Variants in PCSK5 observed in about 807,000 individuals in gnomAD.
PCSK5 encodes the protein proprotein convertase subtilisin/kexin type 5, also known as prohormone convertase 5.
In PCSK5, 129 loss-of-function variants were observed where a neutral mutation model predicts 233.2. The observed-to-expected ratio is 0.55, with a 90% CI of 0.48 to 0.64. The LOEUF is 0.64. PCSK5 is among the 30% of genes least tolerant of loss of function. The pLI, the probability that PCSK5 is intolerant of heterozygous loss-of-function variation, is 0.00. For synonymous variants in PCSK5, 825 were observed against 879.2 expected, an observed-to-expected ratio of 0.94 and a Z score of 1.09; for missense variants, 2,076 against 2,430.1, an observed-to-expected ratio of 0.85 and a Z score of 3.06.
At chr9:76,158,741 T>G (rs1204033493) in intron 11 of PCSK5, among the ~76,000 whole-genome samples, 1 of 152,192 alleles carries the variant, frequency 6.6e-6, no homozygotes, top group Non-Finnish European at 1.5e-5. Context: ...GCATACTCAG[T>G]TTGAGATCTA....
intron 9 of PCSK5, among the ~76,000 whole-genome samples, chr9:76,133,474 TAAC>T (rs1472581522): frequency 1.3e-5 from 2 of 152,056 alleles, no homozygotes; most frequent in African/African-American, 4.8e-5. Context: ...AGGTGTCTAA[TAAC>T]ACACTATAAT....
chr9:76,270,206 C>T (rs1330175159), intron 24 of PCSK5, among the ~76,000 whole-genome samples: 1 of 152,056 alleles, frequency 6.6e-6, no homozygotes, highest in African/African-American at 2.4e-5. Context: ...TTTTGTTTTT[C>T]AGCAGTTTTG....
At chr9:75,897,971 G>T (rs1313106905) in intron 1 of PCSK5, among the ~76,000 whole-genome samples, 1 of 152,168 alleles carries the variant, frequency 6.6e-6, no homozygotes, top group African/African-American at 2.4e-5. Flanking sequence ...CAAACAAGCA[G>T]ATAAGCGTAC....
chr9:76,302,905 T>C (rs899731161), intron 28 of PCSK5, among the ~76,000 whole-genome samples: 6 of 151,760 alleles, frequency 4.0e-5, no homozygotes, highest in Non-Finnish European at 7.4e-5. Context: ...TTATATAGTT[T>C]AGCTACAGTC....
At chr9:76,266,110 C>T (rs528453942) in intron 24 of PCSK5, among the ~76,000 whole-genome samples, 8 of 152,298 alleles carry the variant, frequency 5.3e-5, no homozygotes, top group South Asian at 2.1e-4. Context: ...AACATCCCTT[C>T]AGGTGCATTA....
intron 12 of PCSK5, among the ~76,000 whole-genome samples, chr9:76,160,868 G>C (rs994679700): frequency 6.6e-6 from 1 of 152,002 alleles, no homozygotes; most frequent in African/African-American, 2.4e-5. Context: ...CCACCTCCTG[G>C]GTTCAAGCAA....
intron 9 of PCSK5, among the ~76,000 whole-genome samples, chr9:76,118,971 TG>T (rs1361202890): frequency 6.6e-6 from 1 of 152,070 alleles, no homozygotes; most frequent in African/African-American, 2.4e-5. Context: ...CCCTCCCATT[TG>T]TTTTTTTAAA....
chr9:76,233,854 G>C (rs1484825759), intron 22 of PCSK5, among the ~76,000 whole-genome samples: 3 of 152,076 alleles, frequency 2.0e-5, no homozygotes, highest in Admixed American at 1.3e-4. Flanking sequence ...CAGAGAAGGA[G>C]AGAGAAGGAC....
At chr9:75,986,016 A>G (rs1826497757) in intron 2 of PCSK5, 116 bp from the exon 3 acceptor site, 1 of 647,540 alleles carries the variant, frequency 1.5e-6, no homozygotes, top group East Asian at 2.7e-5. Context: ...TAGTAGCCAC[A>G]GTGAAACTTG....
At chr9:75,941,491 G>A (rs529812930) in intron 2 of PCSK5, among the ~76,000 whole-genome samples, 28 of 152,212 alleles carry the variant, frequency 1.8e-4, no homozygotes, top group African/African-American at 6.7e-4. Flanking sequence ...TCTGGAAACA[G>A]CATGGGCTTG....
intron 17 of PCSK5, among the ~76,000 whole-genome samples, chr9:76,186,958 G>A (rs1279812428): frequency 6.6e-6 from 1 of 151,970 alleles, no homozygotes; most frequent in Non-Finnish European, 1.5e-5. Context: ...GGGCTTCCAG[G>A]GTTGACCATT....
intron 5 of PCSK5, among the ~76,000 whole-genome samples, chr9:76,043,326 A>G (rs1381024213): frequency 8.1e-6 from 1 of 122,742 alleles, no homozygotes; most frequent in African/African-American, 3.1e-5. Flanking sequence ...ACAGAGCGAG[A>G]CTCCATCTCA....
intron 28 of PCSK5, among the ~76,000 whole-genome samples, chr9:76,308,308 C>G (rs1212059139): frequency 6.6e-6 from 1 of 152,268 alleles, no homozygotes; most frequent in Non-Finnish European, 1.5e-5. Flanking sequence ...TACAAACTCA[C>G]TCCCATTTTT....
intron 1 of PCSK5, among the ~76,000 whole-genome samples, chr9:75,922,794 A>C (rs1248030341): frequency 2.0e-5 from 3 of 152,194 alleles, no homozygotes; most frequent in Non-Finnish European, 4.4e-5. Context: ...TGGGCAGACC[A>C]TCAGATTTTC....
intron 20 of PCSK5, among the ~76,000 whole-genome samples, chr9:76,217,932 C>T (rs1366279165): frequency 6.6e-6 from 1 of 152,180 alleles, no homozygotes; most frequent in Non-Finnish European, 1.5e-5. Context: ...CCGCTGCCCT[C>T]ACTTTCATTC....
At chr9:76,188,964 T>C (rs150742042) in intron 18 of PCSK5, 130 bp from the exon 19 acceptor site, 3 of 827,410 alleles carry the variant, frequency 3.6e-6, no homozygotes, top group African/African-American at 3.5e-5. Context: ...CCCAGGGAAA[T>C]CAAGAAAAAG....
At chr9:76,352,105 G>A (rs1272984473) in intron 36 of PCSK5, among the ~76,000 whole-genome samples, 1 of 152,226 alleles carries the variant, frequency 6.6e-6, no homozygotes, top group African/African-American at 2.4e-5. Context: ...GATGGCTACT[G>A]CATAGACAGA....
intron 1 of PCSK5, among the ~76,000 whole-genome samples, chr9:75,903,551 T>A (rs1248236985): frequency 1.1e-5 from 1 of 89,438 alleles, no homozygotes; most frequent in Non-Finnish European, 2.1e-5. Flanking sequence ...TGTATGTGCA[T>A]GTGTGTATAT....
At chr9:76,014,323 C>T (rs958280073) in intron 3 of PCSK5, among the ~76,000 whole-genome samples, 1 of 152,102 alleles carries the variant, frequency 6.6e-6, no homozygotes, top group African/African-American at 2.4e-5. Context: ...TTAAGGAAAA[C>T]ATTTTAGTTG....
Sources: gnomAD v4.1 joint callset for allele counts (sites outside exome capture counted in the v4.1 genomes callset) on GRCh38, gnomAD v4.1.1 for gene constraint, MANE v1.5 for transcripts, NCBI Gene and HGNC (gene_info 2026-07-23, HGNC 2026-07-21) for gene names.